Variants in DVL1 observed in about 807,000 individuals in gnomAD.
DVL1 encodes dishevelled segment polarity protein 1.
A neutral mutation model predicts 65.0 loss-of-function variants in DVL1; 49 were observed. The observed-to-expected ratio is 0.75, with a 90% confidence interval of 0.60 to 0.96. The LOEUF is 0.96. Among genes scored for constraint, DVL1 ranks in the 40% least tolerant of loss-of-function variants. The pLI, the probability that DVL1 is intolerant of heterozygous loss-of-function variation, is 0.00. For synonymous variants in DVL1, 608 were observed against 433.9 expected (o/e 1.40, Z -4.99); for missense variants, 1,197 against 1,045.4 (o/e 1.15, Z -2.00).
intron 5 of DVL1, 117 bp downstream of exon 5, chr1:1,341,546 ACATG>A (rs1352978030): frequency 6.2e-6 from 8 of 1,281,880 alleles, no homozygotes; most frequent in Non-Finnish European, 8.4e-6. Context: ...GCAGGCACAC[ACATG>A]CACACACACG....
chr1:1,348,650 C>G (rs1643960487), intron 1 of DVL1, among the ~76,000 whole-genome samples: 1 of 152,176 alleles, frequency 6.6e-6, no homozygotes, highest in Admixed American at 6.5e-5. Context: ...CAAGGCAGGA[C>G]TCGGGGCCGG....
In DVL1 at chr1:1,335,634, C is replaced by A. The variant is rs541500383; in HGVS notation, c.*508G>T. 1 of 156,136 alleles carries A rather than the reference C, an allele frequency of 6.4e-6. No individual in the cohort carries two copies. Among genetic ancestry groups the A allele is most frequent in the Non-Finnish European group, 1.4e-5 (1 of 70,424 alleles). The allele number at this position is 156,136 out of a possible 1,614,324, so 9.7% of individuals were successfully genotyped here. The stretch of plus-strand genomic sequence containing the variant: ...CCTCCACGTACTTTCAGACTGTTGC[C>A]GGATGGGAGGAGAGAAGGTGCAGGC... On this transcript the variant is annotated 3_prime_UTR_variant, in exon 15 of 15. Transcript: ENST00000378888.
At chr1:1,336,812 AGGTGCCAGCGAGGGCCCCTCATGCCC>A (rs1211240260) in intron 14 of DVL1, among the ~76,000 whole-genome samples, 1 of 152,106 alleles carries the variant, frequency 6.6e-6, no homozygotes, top group Non-Finnish European at 1.5e-5. Context: ...TGAAAGACTG[AGGTGCCAGCGAGGGCCCCTCATGCCC>A]GGTGCCCCCG....
At position 1,349,119 on chromosome 1, in the gene DVL1, C is replaced by G. The variant is rs1021164951; in HGVS notation, c.-54G>C. 1.0e-4 allele frequency: 106 copies of G among 1,055,238 alleles called. No homozygotes were observed. Among genetic ancestry groups the G allele is most frequent in the Non-Finnish European group, 1.1e-4 (94 of 868,500 alleles). The allele number at this position is 1,055,238 out of a possible 1,614,324, so 65.4% of individuals were successfully genotyped here. A position where few individuals can be genotyped will look rare whatever the true frequency, so the allele number is the denominator to read the frequency against. On this transcript the variant is annotated 5_prime_UTR_variant, in exon 1 of 15. Transcript: ENST00000378888. This position sits in a 1 kb window ranked among gnomAD's most constrained non-coding sequence, Gnocchi z 4.1. Reference sequence around the variant, plus strand: ...CTCAGGGCCCGGCCCGGGGCTCGGACGCGGGGCGCTACCCGCCCGCCCGCC... The same window carrying G: ...CTCAGGGCCCGGCCCGGGGCTCGGAGGCGGGGCGCTACCCGCCCGCCCGCC...
intron 1 of DVL1, 96 bp downstream of exon 1, chr1:1,348,800 G>A (rs1167400581): frequency 9.2e-7 from 1 of 1,091,352 alleles, no homozygotes; most frequent in African/African-American, 1.7e-5. Flanking sequence ...GGTCCCCGGG[G>A]GCGCGAACGG....
At chr1:1,341,560 G>A (rs753547503) in intron 5 of DVL1, 107 bp downstream of exon 5, 41 of 1,370,074 alleles carry the variant, frequency 3.0e-5, no homozygotes, top group Middle Eastern at 3.7e-4. Context: ...GCACACACAC[G>A]CACACACGTG....
Position 1,342,888 on chromosome 1 carries a change from TCTC to T in DVL1, c.171-133_171-131del, listed in dbSNP as rs1643870031. The T allele has an allele frequency of 5.9e-6, 5 of 848,234 alleles. No individual in the cohort carries two copies. In the South Asian group the frequency reaches 6.9e-5, roughly 12 times the overall value. 52.5% of individuals were successfully genotyped at this position (848,234 alleles called of 1,614,324 possible). A position where few individuals can be genotyped will look rare whatever the true frequency, so the allele number is the denominator to read the frequency against. On this transcript the variant is annotated intron_variant, in intron 1 of 14. Coordinates refer to ENST00000378888, the MANE Select transcript of DVL1 (RefSeq NM_001330311.2). ...TCTGTGGACACCCCTGCTAGCGCATTCTCCTCTTGGGAACCGTCCTTCCTCTCC... is the reference window on the plus strand; with the variant it reads ...TCTGTGGACACCCCTGCTAGCGCATTCTCTTGGGAACCGTCCTTCCTCTCC...
chr1:1,344,226 G>A (rs927190147), intron 1 of DVL1, among the ~76,000 whole-genome samples: 2 of 152,222 alleles, frequency 1.3e-5, no homozygotes, highest in African/African-American at 4.8e-5. Flanking sequence ...CCCGGGACTT[G>A]GGCCCAGTGG....
At position 1,339,586 on chromosome 1, in the gene DVL1, T is replaced by A; in HGVS notation, c.1050A>T (p.Pro350=). Residue 350 remains proline, a synonymous_variant, in exon 10 of 15, where the codon CCA becomes CCT. Coordinates refer to ENST00000378888, the MANE Select transcript of DVL1 (RefSeq NM_001330311.2). ...TGTGCCCCGAGGGCCACTCACCCCG[T>A]GGGACGGTGAAGTAGCTTCGGGGCG... ...DPTPRSYFTV[P]RADPVRPIDP... is the part of the protein sequence containing the mutation. 6.2e-7 allele frequency: 1 copy of A among 1,606,386 alleles called. No individual in the cohort carries two copies. The highest frequency in any genetic ancestry group is 8.5e-7 in the Non-Finnish European group (1 of 1,176,180).
chr1:1,338,469 G>A (rs937427372), intron 12 of DVL1, 33 bp from the exon 13 acceptor site: 6 of 1,608,644 alleles, frequency 3.7e-6, no homozygotes, highest in Middle Eastern at 1.7e-4. Flanking sequence ...CCGCAGCCTC[G>A]AGGCAAGCAG....
At position 1,336,163 on chromosome 1, in the gene DVL1, C is replaced by G. The variant is rs760196398; in HGVS notation, c.2067G>C (p.Glu689Asp). 7 of 1,575,824 alleles carry G rather than the reference C, an allele frequency of 4.4e-6. No individual in the cohort carries two copies. In the African/African-American group the frequency reaches 8.0e-5, roughly 18 times the overall value. Residue 689 changes from glutamate (E) to aspartate (D), a missense_variant, in exon 15 of 15, where the codon GAG becomes GAC. Glu to Asp is a conservative substitution (Grantham distance 45). Coordinates refer to ENST00000378888, the MANE Select transcript of DVL1 (RefSeq NM_001330311.2). Reference sequence around the variant, plus strand: ...CGAGTCACATGATGTCCACGAAGAACTCGCAGGGGTTCCCCATAGCCTTCT... The same window carrying G: ...CGAGTCACATGATGTCCACGAAGAAGTCGCAGGGGTTCCCCATAGCCTTCT... ...SFQKAMGNPC[E>D]FFVDIM is the part of the protein sequence containing the mutation.
rs1061335 is a variant in DVL1, at chr1:1,336,365, C to T, written c.1865G>A (p.Gly622Asp). ...VGSSWRERPAGQLSRGSSPRS... is the reference protein window; with the variant it reads ...VGSSWRERPADQLSRGSSPRS... ...TGGGCTGCTGCCACGGCTGAGCTGG[C>T]CGGCCGGACGCTCTCGCCAGCTGCT... Residue 622 changes from glycine to aspartate, a missense_variant, in exon 15 of 15, where the codon GGC (glycine) becomes GAC (aspartate). Coordinates refer to ENST00000378888, the MANE Select transcript of DVL1 (RefSeq NM_001330311.2). The T allele has an allele frequency of 1.3e-6, 2 of 1,596,540 alleles. No individual in the cohort carries two copies. The highest frequency in any genetic ancestry group is 1.7e-6 in the Non-Finnish European group (2 of 1,177,876).
intron 8 of DVL1, 100 bp downstream of exon 8, chr1:1,339,938 C>G: frequency 6.4e-7 from 1 of 1,551,198 alleles, no homozygotes; most frequent in Non-Finnish European, 8.7e-7. Context: ...CGCATGTCCC[C>G]CAGCAGCCCC....
At chr1:1,341,948 G>A (rs1172017731) in intron 4 of DVL1, 105 bp downstream of exon 4, 2 of 1,450,998 alleles carry the variant, frequency 1.4e-6, no homozygotes, top group Non-Finnish European at 1.9e-6. Flanking sequence ...CTCCACCCAA[G>A]CACCGCCACT....
Position 1,338,041 on chromosome 1 carries a change from C to T in DVL1, c.1650G>A (p.Pro550=), listed in dbSNP as rs770137374. ...YQYPGPPPCF[P]PAYQDPGFSY... ...TAAAGCCCGGGTCCTGGTAGGCAGG[C>T]GGGAAGCAGGGTGGGGGTCCCGGGT... The change falls in exon 14 of 15, where the codon CCG becomes CCA. Residue 550 remains proline (P), a synonymous_variant. Coordinates refer to ENST00000378888, the MANE Select transcript of DVL1 (RefSeq NM_001330311.2). 2.5e-5 allele frequency: 41 copies of T among 1,611,392 alleles called. No homozygotes were observed. The highest frequency in any genetic ancestry group is 1.7e-4 in the Middle Eastern group (1 of 6,026).
At position 1,339,612 on chromosome 1, in the gene DVL1, T is replaced by C; in HGVS notation, c.1024A>G (p.Thr342Ala). The C allele has an allele frequency of 2.5e-6, 4 of 1,606,728 alleles. No individual in the cohort carries two copies. The highest frequency in any genetic ancestry group is 2.6e-6 in the Non-Finnish European group (3 of 1,175,690). ...SLTVAKCWDPTPRSYFTVPRA... is the reference protein window; with the variant it reads ...SLTVAKCWDPAPRSYFTVPRA... ...GGGACGGTGAAGTAGCTTCGGGGCG[T>C]TGGGTCCCAGCACTTGGCCACAGTG... is the stretch of plus-strand genomic sequence containing the variant. The change falls in exon 10 of 15, where the codon ACG becomes GCG. Residue 342 changes from threonine (T) to alanine (A), a missense_variant. Physicochemically the swap from Thr to Ala is moderately conservative, Grantham distance 58. Coordinates refer to ENST00000378888, the MANE Select transcript of DVL1 (RefSeq NM_001330311.2).
chr1:1,340,900 C>T (rs902265397), intron 5 of DVL1, among the ~76,000 whole-genome samples: 7 of 149,748 alleles, frequency 4.7e-5, no homozygotes, highest in African/African-American at 1.5e-4. Flanking sequence ...TGCACACGCA[C>T]GCATGAACAC....
chr1:1,338,121 G>A lies in DVL1; in HGVS notation c.1570C>T (p.Pro524Ser), dbSNP rs1417774271. ...SGTSDQDTLA[P>S]LPHPAAPWPL... ...CAGGGGGCAGCCGGGTGGGGCAGCG[G>A]GGCCAGCGTGTCCTGATCCGAAGTC... The change falls in exon 14 of 15, where the codon CCG becomes TCG. Residue 524 changes from proline (P) to serine (S), a missense_variant. By Grantham distance (74) the Pro-to-Ser change is moderately conservative. Coordinates refer to ENST00000378888, the MANE Select transcript of DVL1 (RefSeq NM_001330311.2). 3 of 1,609,726 alleles carry A rather than the reference G, an allele frequency of 1.9e-6. No homozygotes were observed. Among genetic ancestry groups the A allele is most frequent in the Middle Eastern group, 1.7e-4 (1 of 6,032 alleles).
At position 1,340,066 on chromosome 1, in the gene DVL1, C is replaced by T. The variant is rs141522166; in HGVS notation, c.881G>A (p.Arg294His). The T allele has an allele frequency of 1.1e-5, 18 of 1,612,680 alleles. No individual in the cohort carries two copies. The highest frequency in any genetic ancestry group is 2.7e-5 in the African/African-American group (2 of 74,916). ...CAGCAACATGTCGCCGGGCTCGATG[C>T]GGCCGTCAGCGGCCACAGCCCCGCC... ...MKGGAVAADG[R>H]IEPGDMLLQV... is the part of the protein sequence containing the mutation. The change falls in exon 8 of 15, where the codon CGC (arginine) becomes CAC (histidine). Residue 294 changes from arginine to histidine, a missense_variant. Coordinates refer to ENST00000378888, the MANE Select transcript of DVL1 (RefSeq NM_001330311.2).
Sources: allele counts gnomAD v4.1 joint callset (sites outside exome capture counted in the v4.1 genomes callset), GRCh38; gene constraint gnomAD v4.1.1; non-coding constraint Gnocchi (gnomAD v3.1); transcripts MANE v1.5; gene names NCBI Gene and HGNC (gene_info 2026-07-23, HGNC 2026-07-21).